The following BRINP2 variants were observed in gnomAD, a reference collection of about 807,000 sequenced individuals.
BRINP2 encodes the protein BMP/retinoic acid-inducible neural-specific protein 2.
Under a neutral mutation model 69.2 loss-of-function variants are expected in BRINP2, and 21 were observed. The observed-to-expected ratio is 0.30, with a 90% CI of 0.22 to 0.44. The LOEUF is 0.44. Among genes scored for constraint, BRINP2 ranks in the 20% least tolerant of loss-of-function variants. The pLI is 1.00. For synonymous variants in BRINP2, 380 were observed against 394.1 expected, an observed-to-expected ratio of 0.96 and a Z score of 0.42; for missense variants, 877 against 986.0, an observed-to-expected ratio of 0.89 and a Z score of 1.48.
chr1:177,229,035 G>T (rs142851897), intron 1 of BRINP2, among the ~76,000 whole-genome samples: 10 of 152,288 alleles, frequency 6.6e-5, no homozygotes, highest in African/African-American at 2.2e-4. Flanking sequence ...CCCTCGTGGT[G>T]CTCTCAAGCT....
intron 1 of BRINP2, among the ~76,000 whole-genome samples, chr1:177,176,124 C>T (rs1648079813): frequency 6.6e-6 from 1 of 152,130 alleles, no homozygotes; most frequent in Non-Finnish European, 1.5e-5. Context: ...TCATCAACAG[C>T]CAGTCCCATT....
At chr1:177,265,914 A>G (rs1343935796) in intron 4 of BRINP2, among the ~76,000 whole-genome samples, 1 of 151,892 alleles carries the variant, frequency 6.6e-6, no homozygotes, top group Non-Finnish European at 1.5e-5. Context: ...AGGTCAGGAG[A>G]TGGAGACCAT....
chr1:177,235,001 C>T (rs926319), intron 2 of BRINP2, among the ~76,000 whole-genome samples: 1 of 151,920 alleles, frequency 6.6e-6, no homozygotes, highest in African/African-American at 2.4e-5. Context: ...TCAGGATAAA[C>T]AATAAGACTT....
chr1:177,188,224 C>G (rs1648487161), intron 1 of BRINP2, among the ~76,000 whole-genome samples: 2 of 152,140 alleles, frequency 1.3e-5, no homozygotes, highest in African/African-American at 2.4e-5. Flanking sequence ...AGTTCAATTT[C>G]AAGCTCATAT....
intron 1 of BRINP2, among the ~76,000 whole-genome samples, chr1:177,187,679 G>A (rs556482): frequency 0.22 from 33,149 of 152,008 alleles, 4,007 homozygotes; most frequent in Middle Eastern, 0.28. Context: ...GTCGACTTCC[G>A]CTCTTGTTCT....
chr1:177,198,528 T>C (rs1371393851), intron 1 of BRINP2, among the ~76,000 whole-genome samples: 1 of 152,194 alleles, frequency 6.6e-6, no homozygotes, highest in Admixed American at 6.5e-5. Flanking sequence ...TAATGAATCA[T>C]GTGGGAGTTC....
In BRINP2 at chr1:177,256,326, A is replaced by G. The variant is rs188233060; in HGVS notation, c.460+217A>G. ...ATTCCCTGAGGAGGGGAAGTTGGGT[A>G]TGGCGGTTGGAGGTGGACAGGCTCC... On this transcript the variant is annotated intron_variant, in intron 3 of 7. Coordinates refer to ENST00000361539, the MANE Select transcript of BRINP2 (RefSeq NM_021165.4). 465 of 985,396 alleles carry G rather than the reference A, an allele frequency of 4.7e-4. No homozygotes were observed. The African/African-American group carries it at 7.4e-3, about 16-fold the overall frequency. The allele number at this position is 985,396 out of a possible 1,614,324, so 61.0% of individuals were successfully genotyped here.
At chr1:177,190,195 A>AT (rs1463053132) in intron 1 of BRINP2, among the ~76,000 whole-genome samples, 2 of 152,200 alleles carry the variant, frequency 1.3e-5, no homozygotes, top group African/African-American at 2.4e-5. Flanking sequence ...GCAACCCTCC[A>AT]TAAGTCTCTC....
Position 177,229,865 on chromosome 1 carries a change from C to A in BRINP2, c.-12C>A, listed in dbSNP as rs759549339. On this transcript the variant is annotated 5_prime_UTR_variant, in exon 2 of 8. Coordinates refer to ENST00000361539, the MANE Select transcript of BRINP2 (RefSeq NM_021165.4). Reference sequence around the variant, plus strand: ...GGCGAGAGAATGAAGAAACCAATCGCCCGGGAGAAGCATGAGGTGGCAGTG... The same window carrying A: ...GGCGAGAGAATGAAGAAACCAATCGACCGGGAGAAGCATGAGGTGGCAGTG... 6.4e-7 allele frequency: 1 copy of A among 1,568,936 alleles called. No individual in the cohort carries two copies. The highest frequency in any genetic ancestry group is 1.8e-5 in the Admixed American group (1 of 56,398).
At chr1:177,270,082 T>TGGGGGGTGG (rs1651256606) in intron 4 of BRINP2, among the ~76,000 whole-genome samples, 1 of 130,082 alleles carries the variant, frequency 7.7e-6, no homozygotes, top group Non-Finnish European at 1.6e-5. Flanking sequence ...GGGCAAGGGG[T>TGGGGGGTGG]GGGGGGGGTG....
chr1:177,227,050 C>T (rs1290739156), intron 1 of BRINP2, among the ~76,000 whole-genome samples: 1 of 152,196 alleles, frequency 6.6e-6, no homozygotes, highest in East Asian at 1.9e-4. Flanking sequence ...TCTGGACTTT[C>T]AATGCACTCT....
At chr1:177,271,534 G>A (rs998749347) in intron 4 of BRINP2, among the ~76,000 whole-genome samples, 2 of 152,156 alleles carry the variant, frequency 1.3e-5, no homozygotes, top group East Asian at 3.9e-4. Flanking sequence ...ACAGCTCTGT[G>A]GTCTCAAGGA....
At chr1:177,210,388 C>T (rs1484173752) in intron 1 of BRINP2, among the ~76,000 whole-genome samples, 1 of 152,038 alleles carries the variant, frequency 6.6e-6, no homozygotes, top group Non-Finnish European at 1.5e-5. Context: ...ATGCTTCACT[C>T]AAAATCTTTC....
intron 1 of BRINP2, among the ~76,000 whole-genome samples, chr1:177,218,228 A>C (rs768511491): frequency 3.9e-5 from 6 of 152,044 alleles, no homozygotes; most frequent in Admixed American, 6.5e-5. Context: ...TAGCAGATCT[A>C]GTGCCTGCTT....
chr1:177,184,037 A>G (rs1648343263), intron 1 of BRINP2, among the ~76,000 whole-genome samples: 1 of 152,324 alleles, frequency 6.6e-6, no homozygotes, highest in Non-Finnish European at 1.5e-5. Context: ...CCCCATACAC[A>G]TCGACCAGAT....
At chr1:177,244,969 T>TC (rs1650328245) in intron 2 of BRINP2, among the ~76,000 whole-genome samples, 1 of 151,698 alleles carries the variant, frequency 6.6e-6, no homozygotes, top group Admixed American at 6.6e-5. Flanking sequence ...GGAAATAAGC[T>TC]CCCCTCTCAC....
intron 1 of BRINP2, among the ~76,000 whole-genome samples, chr1:177,217,514 AGTCTATTGT>A (rs1333962308): frequency 6.6e-6 from 1 of 152,034 alleles, no homozygotes; most frequent in Non-Finnish European, 1.5e-5. Flanking sequence ...TTGTCCTAAG[AGTCTATTGT>A]TAGAGCTTTG....
chr1:177,258,193 A>G (rs1353224709), intron 4 of BRINP2, among the ~76,000 whole-genome samples: 1 of 152,210 alleles, frequency 6.6e-6, no homozygotes, highest in African/African-American at 2.4e-5. Context: ...GTTTCTAGTA[A>G]AGTTCATGTT....
At chr1:177,265,339 A>G (rs1484896434) in intron 4 of BRINP2, among the ~76,000 whole-genome samples, 2 of 152,206 alleles carry the variant, frequency 1.3e-5, no homozygotes, top group East Asian at 3.9e-4. Flanking sequence ...CATAAAAACC[A>G]TAGAAGAAAA....
Sources: gnomAD v4.1 joint callset for allele counts (sites outside exome capture counted in the v4.1 genomes callset) on GRCh38, gnomAD v4.1.1 for gene constraint, MANE v1.5 for transcripts, NCBI Gene and HGNC (gene_info 2026-07-23, HGNC 2026-07-21) for gene names.